The following ZNF329 variants were observed in gnomAD, a reference collection of about 807,000 sequenced individuals.
ZNF329 encodes zinc finger protein 329.
ZNF329 carries 15 observed loss-of-function variants against 26.6 expected under a neutral mutation model. That is an observed-to-expected ratio of 0.56 (90% CI 0.38 to 0.87). The LOEUF (loss-of-function observed/expected upper bound fraction) is 0.87. Among genes scored for constraint, ZNF329 ranks in the 40% least tolerant of loss-of-function variants. The pLI, the probability that ZNF329 is intolerant of heterozygous loss-of-function variation, is 0.00. For missense variants in ZNF329, 651 were observed against 651.9 expected (o/e 1.00, Z 0.02); for synonymous variants, 239 against 233.5 (o/e 1.02, Z -0.21).
chr19:58,142,179 C>T (rs1194514340), intron 3 of ZNF329, among the ~76,000 whole-genome samples: 1 of 152,066 alleles, frequency 6.6e-6, no homozygotes, highest in Non-Finnish European at 1.5e-5. Context: ...CCATAACAGG[C>T]AAATCTATAA....
chr19:58,137,640 A>G (rs2075100322), intron 3 of ZNF329, among the ~76,000 whole-genome samples: 1 of 151,928 alleles, frequency 6.6e-6, no homozygotes, highest in African/African-American at 2.4e-5. Flanking sequence ...CTGTCATTTG[A>G]AAAGACAAAT....
Position 58,129,500 on chromosome 19 carries a change from T to C in ZNF329, c.4A>G (p.Arg2Gly). 6.3e-7 allele frequency: 1 copy of C among 1,586,956 alleles called. No homozygotes were observed. Among genetic ancestry groups the C allele is most frequent in the Non-Finnish European group, 8.6e-7 (1 of 1,166,934 alleles). ...AAATTCCGAGTCGTCATTTTCAATCTCATATCCCAAACTGCAAAAAGAAGA... is the reference window on the plus strand; with the variant it reads ...AAATTCCGAGTCGTCATTTTCAATCCCATATCCCAAACTGCAAAAAGAAGA... The part of the protein sequence containing the change: M[R>G]LKMTTRNFPE... The change falls in exon 4 of 4, where the codon AGA becomes GGA. Residue 2 changes from arginine (R) to glycine (G), a missense_variant. By Grantham distance (125) the Arg-to-Gly change is moderately radical. Transcript: ENST00000598312.
chr19:58,148,391 TAA>T (rs1241009357), intron 1 of ZNF329, among the ~76,000 whole-genome samples: 52 of 103,796 alleles, frequency 5.0e-4, no homozygotes, highest in Middle Eastern at 5.3e-3. Context: ...AATGATCAAT[TAA>T]AAAAAAAAAA....
rs1476910591 is a variant in ZNF329 at position 58,126,510 on chromosome 19, G to T, written c.*1368C>A. On this transcript the variant is annotated 3_prime_UTR_variant, in exon 4 of 4. Coordinates refer to ENST00000598312, the MANE Select transcript of ZNF329 (RefSeq NM_024620.4). ...ACCTTTATAATGGTTCACAGTGGCTGAATTAGAAGCATCCTAAATGAACAA... is the reference window on the plus strand; with the variant it reads ...ACCTTTATAATGGTTCACAGTGGCTTAATTAGAAGCATCCTAAATGAACAA... 1 of 152,208 alleles carries T rather than the reference G, an allele frequency of 6.6e-6. No individual in the cohort carries two copies. Among genetic ancestry groups the T allele is most frequent in the South Asian group, 2.1e-4 (1 of 4,830 alleles). The allele number at this position is 152,208 out of a possible 1,614,324, so 9.4% of individuals were successfully genotyped here.
chr19:58,146,973 C>T (rs974609842), intron 1 of ZNF329, among the ~76,000 whole-genome samples: 1 of 152,128 alleles, frequency 6.6e-6, no homozygotes, highest in Non-Finnish European at 1.5e-5. Context: ...CGGCCGCCAC[C>T]CTGTCTGGGA....
At position 58,136,129 on chromosome 19, in the gene ZNF329, G is replaced by A. The variant is rs375953311; in HGVS notation, c.-9+6428C>T. On this transcript the variant is annotated intron_variant, in intron 3 of 3. Coordinates refer to ENST00000598312, the MANE Select transcript of ZNF329 (RefSeq NM_024620.4). ...GCCTGTACTCCCAGCTACTCGGGAG[G>A]CTGAGGCAGGAGAATCGCTTGAACC... Among the ~76,000 whole-genome samples, 16 of 151,944 alleles carry A rather than the reference G, an allele frequency of 1.1e-4. 1 individual carries two copies. Among genetic ancestry groups the A allele is most frequent in the African/African-American group, 2.7e-4 (11 of 41,460 alleles).
At chr19:58,130,923 C>T (rs2074925933) in intron 3 of ZNF329, among the ~76,000 whole-genome samples, 1 of 151,916 alleles carries the variant, frequency 6.6e-6, no homozygotes, top group Non-Finnish European at 1.5e-5. Flanking sequence ...TTCACTGAAG[C>T]CTCAATCTCA....
chr19:58,147,334 G>A (rs1400735825), intron 1 of ZNF329, among the ~76,000 whole-genome samples: 1 of 151,470 alleles, frequency 6.6e-6, no homozygotes, highest in African/African-American at 2.4e-5. Context: ...CGTCTGAGAA[G>A]TGAGGAGCCC....
chr19:58,137,370 A>G (rs1255527469), intron 3 of ZNF329, among the ~76,000 whole-genome samples: 1 of 152,056 alleles, frequency 6.6e-6, no homozygotes, highest in Non-Finnish European at 1.5e-5. Flanking sequence ...CCTGATCAAC[A>G]AGGTGACACC....
At position 58,129,139 on chromosome 19, in the gene ZNF329, C is replaced by T. The variant is rs17854469; in HGVS notation, c.365G>A (p.Ser122Asn). ...GTTGAAGCCTTTTCCACAGGCATCA[C>T]TGTCACCAGTTCTCTTATCTGCATA... ...KSYADKRTGD[S>N]DACGKGFNHS... is the part of the protein sequence containing the mutation. The change falls in exon 4 of 4, where the codon AGT becomes AAT. Residue 122 changes from serine (S) to asparagine (N), a missense_variant. Transcript: ENST00000598312. 3.3e-5 allele frequency: 53 copies of T among 1,614,052 alleles called. No homozygotes were observed. Among genetic ancestry groups the T allele is most frequent in the South Asian group, 4.4e-5 (4 of 91,092 alleles).
rs2074819697 is a variant in ZNF329 at position 58,127,124 on chromosome 19, G to A, written c.*754C>T. The A allele has an allele frequency of 6.6e-6, 1 of 152,226 alleles. No individual in the cohort carries two copies. The highest frequency in any genetic ancestry group is 2.1e-4 in the South Asian group (1 of 4,834). 9.4% of individuals were successfully genotyped at this position (152,226 alleles called of 1,614,324 possible). A position where few individuals can be genotyped will look rare whatever the true frequency, so the allele number is the denominator to read the frequency against. ...TGTGGTGTGTGCAGTACAGCACTGT[G>A]TGGACTCTCTCATTGTACACCTTTG... On this transcript the variant is annotated 3_prime_UTR_variant, in exon 4 of 4. Transcript: ENST00000598312.
chr19:58,139,377 A>G (rs1437066901), intron 3 of ZNF329, among the ~76,000 whole-genome samples: 3 of 152,204 alleles, frequency 2.0e-5, no homozygotes, highest in Non-Finnish European at 4.4e-5. Context: ...GGGCTGCTAC[A>G]ACAAATAGAC....
intron 3 of ZNF329, among the ~76,000 whole-genome samples, chr19:58,130,309 T>A (rs1044603912): frequency 7.1e-6 from 1 of 141,796 alleles, no homozygotes; most frequent in Middle Eastern, 4.1e-3. Context: ...CGCGGCAGAG[T>A]GAGACTCCAT....
upstream of ZNF329, among the ~76,000 whole-genome samples, chr19:58,151,601 CAAAAAAAAAAAA>C (rs555824584): frequency 5.6e-5 from 4 of 70,934 alleles, no homozygotes; most frequent in East Asian, 1.5e-3. Context: ...GACTTCGTCT[CAAAAAAAAAAAA>C]AAAAAAAAGG....
chr19:58,132,959 T>C (rs544534927), intron 3 of ZNF329, among the ~76,000 whole-genome samples: 4 of 152,120 alleles, frequency 2.6e-5, no homozygotes, highest in Admixed American at 6.5e-5. Context: ...ACTACAGGTG[T>C]CTGCCACCAC....
In ZNF329 at chr19:58,128,559, A is replaced by G. The variant is rs377308228; in HGVS notation, c.945T>C (p.Tyr315=). 1.2e-6 allele frequency: 2 copies of G among 1,613,974 alleles called. No homozygotes were observed. The highest frequency in any genetic ancestry group is 1.3e-5 in the African/African-American group (1 of 74,916). ...AGGGTTTCCCACATTCGTTACATCT[A>G]TATGGTTTTTCCCCTGTATGAGTTC... is the stretch of plus-strand genomic sequence containing the variant. The part of the protein sequence containing the change: ...HQRTHTGEKP[Y]RCNECGKPFT... The change falls in exon 4 of 4, where the codon TAT becomes TAC. Residue 315 remains tyrosine (Y), a synonymous_variant. Coordinates refer to ENST00000598312, the MANE Select transcript of ZNF329 (RefSeq NM_024620.4).
chr19:58,147,106 G>A (rs2075331377), intron 1 of ZNF329, among the ~76,000 whole-genome samples: 1 of 151,592 alleles, frequency 6.6e-6, no homozygotes, highest in African/African-American at 2.4e-5. Flanking sequence ...AGGAAGTGAG[G>A]AGCGTCTCTG....
rs1158372577 is a variant in ZNF329, at chr19:58,127,654, A to G, written c.*224T>C. 1 of 489,438 alleles carries G rather than the reference A, an allele frequency of 2.0e-6. No homozygotes were observed. The highest frequency in any genetic ancestry group is 3.6e-6 in the Non-Finnish European group (1 of 275,042). 30.3% of individuals were successfully genotyped at this position (489,438 alleles called of 1,614,324 possible). A position where few individuals can be genotyped will look rare whatever the true frequency, so the allele number is the denominator to read the frequency against. On this transcript the variant is annotated 3_prime_UTR_variant, in exon 4 of 4. Coordinates refer to ENST00000598312, the MANE Select transcript of ZNF329 (RefSeq NM_024620.4). Reference sequence around the variant, plus strand: ...GTGTGTGTGTTGTCATGTCTGGTACAGACTGAATCATCCCCAAAGACTTTT... The same window carrying G: ...GTGTGTGTGTTGTCATGTCTGGTACGGACTGAATCATCCCCAAAGACTTTT...
intron 3 of ZNF329, among the ~76,000 whole-genome samples, chr19:58,130,844 C>T (rs143551993): frequency 1.1e-4 from 17 of 152,196 alleles, no homozygotes; most frequent in East Asian, 1.9e-4. Flanking sequence ...TCCATTCATT[C>T]GTTCATTCAT....
Sources: gnomAD v4.1 joint callset for allele counts (sites outside exome capture counted in the v4.1 genomes callset) on GRCh38, gnomAD v4.1.1 for gene constraint, MANE v1.5 for transcripts, NCBI Gene and HGNC (gene_info 2026-07-23, HGNC 2026-07-21) for gene names.